The following TSPAN18 variants were observed in gnomAD, a reference collection of about 807,000 sequenced individuals.
TSPAN18 encodes tetraspanin 18.
TSPAN18 carries 14 observed loss-of-function variants against 27.3 expected under a neutral mutation model. That is an observed-to-expected ratio of 0.51 (90% CI 0.34 to 0.80). TSPAN18 has a LOEUF of 0.80. Among genes scored for constraint, TSPAN18 ranks in the 30% least tolerant of loss-of-function variants. The probability of loss-of-function intolerance (pLI) is 0.01; values close to 1 mark genes in which losing one functional copy is unlikely to be tolerated. For synonymous variants in TSPAN18, 143 were observed against 136.5 expected (o/e 1.05, Z -0.33); for missense variants, 268 against 323.9 (o/e 0.83, Z 1.32).
intron 3 of TSPAN18, among the ~76,000 whole-genome samples, chr11:44,889,813 C>T (rs1313777103): frequency 1.3e-5 from 2 of 152,192 alleles, no homozygotes; most frequent in East Asian, 3.9e-4. Context: ...TTGTAGACCT[C>T]CCAGGGATAT....
intron 8 of TSPAN18, among the ~76,000 whole-genome samples, chr11:44,920,404 G>A (rs1305524054): frequency 1.3e-5 from 2 of 152,168 alleles, no homozygotes; most frequent in Non-Finnish European, 2.9e-5. Context: ...TATTTGCCAT[G>A]TGGGGCACCC....
intron 8 of TSPAN18, among the ~76,000 whole-genome samples, chr11:44,921,585 C>T (rs554825923): frequency 6.6e-6 from 1 of 152,238 alleles, no homozygotes; most frequent in African/African-American, 2.4e-5. Flanking sequence ...TTTTCTCTGG[C>T]TAGGACTTGG....
chr11:44,920,827 C>T (rs1055249022), intron 8 of TSPAN18, among the ~76,000 whole-genome samples: 1 of 152,160 alleles, frequency 6.6e-6, no homozygotes, highest in African/African-American at 2.4e-5. Flanking sequence ...CCTGTTCCTG[C>T]GAGGCTCACG....
At chr11:44,827,951 A>G (rs186781134) in intron 2 of TSPAN18, among the ~76,000 whole-genome samples, 3 of 152,354 alleles carry the variant, frequency 2.0e-5, no homozygotes, top group Non-Finnish European at 2.9e-5. Context: ...GTTTTAGGAA[A>G]GCAGGCTGTA....
chr11:44,850,787 C>T (rs760222180), intron 2 of TSPAN18, among the ~76,000 whole-genome samples: 3 of 152,102 alleles, frequency 2.0e-5, no homozygotes, highest in Non-Finnish European at 4.4e-5. Flanking sequence ...GAGACCCTGA[C>T]GCTTGTCCCA....
At chr11:44,742,218 T>G (rs1227231457) in intron 1 of TSPAN18, among the ~76,000 whole-genome samples, 1 of 151,554 alleles carries the variant, frequency 6.6e-6, no homozygotes, top group African/African-American at 2.4e-5. Context: ...GAAAGGGTCC[T>G]TGGTGTTGCT....
chr11:44,919,764 G>A (rs1263871296), intron 7 of TSPAN18, 53 bp from the exon 8 acceptor site: 68 of 1,569,478 alleles, frequency 4.3e-5, no homozygotes, highest in East Asian at 2.0e-4. Flanking sequence ...CTCTGTCCCC[G>A]CCCCTGTGTC....
intron 2 of TSPAN18, among the ~76,000 whole-genome samples, chr11:44,771,667 T>C (rs1855692560): frequency 6.6e-6 from 1 of 152,174 alleles, no homozygotes; most frequent in Non-Finnish European, 1.5e-5. Context: ...CAACCAACTG[T>C]GAACCAAAAA....
chr11:44,931,645 G>C lies in TSPAN18; in HGVS notation c.*2467G>C, dbSNP rs190175769. 1 of 152,404 alleles carries C rather than the reference G, an allele frequency of 6.6e-6. No homozygotes were observed. Among genetic ancestry groups the C allele is most frequent in the African/African-American group, 2.4e-5 (1 of 41,572 alleles). 9.4% of individuals were successfully genotyped at this position (152,404 alleles called of 1,614,324 possible). On this transcript the variant is annotated 3_prime_UTR_variant, in exon 10 of 10. Transcript: ENST00000520358. ...GCAGTTTCTGCTCCTGTTGGCATTCGCTCAGGCTGGTAGCTATTTGCAAGA... is the reference window on the plus strand; with the variant it reads ...GCAGTTTCTGCTCCTGTTGGCATTCCCTCAGGCTGGTAGCTATTTGCAAGA...
intron 2 of TSPAN18, among the ~76,000 whole-genome samples, chr11:44,765,862 A>G (rs1214110058): frequency 6.6e-6 from 1 of 152,158 alleles, no homozygotes; most frequent in African/African-American, 2.4e-5. Flanking sequence ...TGGGCATCTC[A>G]TGAAATCCCT....
chr11:44,740,855 G>T (rs2134822126), intron 1 of TSPAN18, among the ~76,000 whole-genome samples: 1 of 152,298 alleles, frequency 6.6e-6, no homozygotes, highest in East Asian at 1.9e-4. Flanking sequence ...TTGAGATCTT[G>T]GCTCACTGCA....
chr11:44,919,066 T>A (rs1590691877), intron 6 of TSPAN18, 148 bp from the exon 7 acceptor site: 1 of 656,154 alleles, frequency 1.5e-6, no homozygotes. Flanking sequence ...GTTGGTGGTT[T>A]AGGAGAATCC....
chr11:44,865,589 T>G lies in TSPAN18; in HGVS notation c.-11+5120T>G, dbSNP rs146713881. 7.3e-3 allele frequency among the ~76,000 whole-genome samples: 1,113 copies of G among 152,350 alleles called. 24 individuals carry two copies. The highest frequency in any genetic ancestry group is 0.025 in the African/African-American group (1,053 of 41,580). ...GAAGGATTTAAATTAAAAAGCAAATTCCTCTTCCCTCCACCTGCCAACCCC... is the reference window on the plus strand; with the variant it reads ...GAAGGATTTAAATTAAAAAGCAAATGCCTCTTCCCTCCACCTGCCAACCCC... On this transcript the variant is annotated intron_variant, in intron 3 of 9. Coordinates refer to ENST00000520358, the MANE Select transcript of TSPAN18 (RefSeq NM_130783.5).
chr11:44,853,259 G>A lies in TSPAN18; in HGVS notation c.-152-7069G>A, dbSNP rs376595640. Among the ~76,000 whole-genome samples the A allele has an allele frequency of 1.2e-4, 18 of 152,276 alleles. No individual in the cohort carries two copies. The East Asian group carries it at 1.4e-3, about 11-fold the overall frequency. On this transcript the variant is annotated intron_variant, in intron 2 of 9. Coordinates refer to ENST00000520358, the MANE Select transcript of TSPAN18 (RefSeq NM_130783.5). The stretch of plus-strand genomic sequence containing the variant: ...TATAGCTGGGGACTGGGTGAGAGGG[G>A]ATGAAAGCTTGGGTTAGGGACGTAG...
chr11:44,743,505 C>T (rs1431474556), intron 1 of TSPAN18, among the ~76,000 whole-genome samples: 1 of 152,192 alleles, frequency 6.6e-6, no homozygotes, highest in Non-Finnish European at 1.5e-5. Context: ...CATGGGACAA[C>T]AGCAGGCAAG....
intron 3 of TSPAN18, among the ~76,000 whole-genome samples, chr11:44,884,709 T>C (rs1268930627): frequency 6.6e-6 from 1 of 152,164 alleles, no homozygotes; most frequent in Non-Finnish European, 1.5e-5. Context: ...ATGATGACAC[T>C]GGGAGGTGGG....
Position 44,909,768 on chromosome 11 carries a change from G to T in TSPAN18, c.127G>T (p.Glu43Ter). 6.2e-7 allele frequency: 1 copy of T among 1,613,826 alleles called. No homozygotes were observed. The highest frequency in any genetic ancestry group is 8.5e-7 in the Non-Finnish European group (1 of 1,180,010). The stretch of plus-strand genomic sequence containing the variant: ...CATGGTGGACCCCACCGGCTTCCGG[G>T]AGATCGTGGCTGCCAATCCTCTGCT... ...WVMVDPTGFR[E>*]IVAANPLLLT... Residue 43 changes from glutamate (E) to a stop codon, truncating the protein, a stop_gained, in exon 5 of 10, where the codon GAG becomes TAG. Transcript: ENST00000520358. LOFTEE classifies it high-confidence loss of function.
intron 1 of TSPAN18, among the ~76,000 whole-genome samples, chr11:44,734,068 G>T (rs887595066): frequency 2.0e-5 from 3 of 151,970 alleles, no homozygotes; most frequent in Non-Finnish European, 4.4e-5. Context: ...AAAGAGCCTG[G>T]CTCCTCCCTC....
intron 3 of TSPAN18, among the ~76,000 whole-genome samples, chr11:44,880,358 C>T (rs184151744): frequency 2.3e-4 from 35 of 152,288 alleles, no homozygotes; most frequent in African/African-American, 8.2e-4. Flanking sequence ...CCCTCGTGCT[C>T]TGTTAGCCTC....
Sources: gnomAD v4.1 joint callset for allele counts (sites outside exome capture counted in the v4.1 genomes callset) on GRCh38, gnomAD v4.1.1 for gene constraint, MANE v1.5 for transcripts, NCBI Gene and HGNC (gene_info 2026-07-23, HGNC 2026-07-21) for gene names.